CELF2: variants seen among roughly 807,000 people sequenced by gnomAD.
CELF2 encodes CUGBP Elav-like family member 2.
CELF2 carries 8 observed loss-of-function variants against 62.6 expected under a neutral mutation model. The ratio of observed to expected loss-of-function variants is 0.13; its 90% confidence interval spans 0.07 to 0.23. The LOEUF (loss-of-function observed/expected upper bound fraction) is 0.23, where lower values mean the gene tolerates loss of function less well. Among genes scored for constraint, CELF2 ranks in the 10% least tolerant of loss-of-function variants. The pLI is 1.00. For missense variants in CELF2, 333 were observed against 671.0 expected, an observed-to-expected ratio of 0.50 and a Z score of 5.56; for synonymous variants, 258 against 250.0, an observed-to-expected ratio of 1.03 and a Z score of -0.30.
chr10:11,193,752 CTGTT>C (rs1405488281), intron 2 of CELF2, among the ~76,000 whole-genome samples: 11 of 152,186 alleles, frequency 7.2e-5, no homozygotes, highest in Admixed American at 6.5e-4. Flanking sequence ...TCTTTGAAGA[CTGTT>C]TGATCTTATG....
chr10:11,158,132 G>A (rs2064929264), intron 1 of CELF2, among the ~76,000 whole-genome samples: 1 of 152,198 alleles, frequency 6.6e-6, no homozygotes, highest in Non-Finnish European at 1.5e-5. Flanking sequence ...GGTGAAACCA[G>A]TCTCCTGTCA....
intron 1 of CELF2, among the ~76,000 whole-genome samples, chr10:11,115,126 A>G (rs553064946): frequency 2.1e-4 from 32 of 152,372 alleles, no homozygotes; most frequent in African/African-American, 7.5e-4. Context: ...GATGCAGATT[A>G]ATATGCAGTA....
At chr10:11,289,742 C>T (rs2092200837) in intron 9 of CELF2, among the ~76,000 whole-genome samples, 1 of 152,216 alleles carries the variant, frequency 6.6e-6, no homozygotes, top group Non-Finnish European at 1.5e-5. Flanking sequence ...GAAAAATCAA[C>T]TTTGTCACCC....
the CELF2 span, among the ~76,000 whole-genome samples, chr10:10,683,642 T>C: frequency 6.6e-6 from 1 of 152,218 alleles, no homozygotes; most frequent in South Asian, 2.1e-4. Context: ...GGCGCAGTTT[T>C]AGAGTACAGA....
chr10:10,628,754 A>T, the CELF2 span, among the ~76,000 whole-genome samples: 1 of 152,202 alleles, frequency 6.6e-6, no homozygotes, highest in Non-Finnish European at 1.5e-5. Flanking sequence ...TAAATGCAGC[A>T]CACCAACATG....
intron 1 of CELF2, among the ~76,000 whole-genome samples, chr10:10,911,095 G>C (rs1253588648): frequency 1.3e-5 from 2 of 152,214 alleles, no homozygotes; most frequent in African/African-American, 4.8e-5. Context: ...CTCTTCTTGG[G>C]TGGGTTTCTG....
At chr10:10,591,062 A>G in the CELF2 span, among the ~76,000 whole-genome samples, 1 of 152,204 alleles carries the variant, frequency 6.6e-6, no homozygotes, top group African/African-American at 2.4e-5. Context: ...TATAAAACAT[A>G]TACTCCTATT....
At chr10:11,028,718 CTTT>C (rs71378776) in intron 1 of CELF2, among the ~76,000 whole-genome samples, 319 of 125,158 alleles carry the variant, frequency 2.5e-3, no homozygotes, top group East Asian at 4.0e-3. Context: ...CGCACCCAGC[CTTT>C]TTTTTTTTTT....
chr10:10,899,607 C>A (rs922081038), intron 1 of CELF2, among the ~76,000 whole-genome samples: 1 of 152,120 alleles, frequency 6.6e-6, no homozygotes, highest in Non-Finnish European at 1.5e-5. Flanking sequence ...TGTACTAGTC[C>A]GTTCTCGCAC....
the CELF2 span, among the ~76,000 whole-genome samples, chr10:10,781,315 A>G: frequency 6.6e-6 from 1 of 152,252 alleles, no homozygotes; most frequent in Admixed American, 6.5e-5. Context: ...GTACAGTAAC[A>G]TGCTATACAG....
chr10:10,588,976 A>T, the CELF2 span, among the ~76,000 whole-genome samples: 1 of 152,142 alleles, frequency 6.6e-6, no homozygotes, highest in African/African-American at 2.4e-5. Flanking sequence ...ATTCATTTAG[A>T]AGTTTATTTT....
chr10:10,569,690 A>G, the CELF2 span, among the ~76,000 whole-genome samples: 11 of 152,310 alleles, frequency 7.2e-5, no homozygotes, highest in African/African-American at 2.6e-4. Flanking sequence ...TTCAGAAATC[A>G]TTGGGAGGAT....
At chr10:11,083,839 G>A (rs1372178295) in intron 1 of CELF2, among the ~76,000 whole-genome samples, 1 of 152,190 alleles carries the variant, frequency 6.6e-6, no homozygotes, top group Non-Finnish European at 1.5e-5. Context: ...TGATAAGGGA[G>A]AATTAGATCA....
the CELF2 span, among the ~76,000 whole-genome samples, chr10:10,676,059 TG>T: frequency 4.6e-5 from 7 of 152,308 alleles, no homozygotes; most frequent in Admixed American, 3.3e-4. Flanking sequence ...GAGGAACTGC[TG>T]GTGGTAGGCT....
chr10:10,934,204 A>G lies in CELF2; in HGVS notation c.89+14205A>G, dbSNP rs868567196. Among the ~76,000 whole-genome samples, 2 of 152,172 alleles carry G rather than the reference A, an allele frequency of 1.3e-5. No homozygotes were observed. Among genetic ancestry groups the G allele is most frequent in the African/African-American group, 4.8e-5 (2 of 41,434 alleles). ...TTTTCAATACCAGTAGGGGCATTGG[A>G]ACAGGGTTAAAAATAGAATTCAAAG... is the stretch of plus-strand genomic sequence containing the variant. On this transcript the variant is annotated intron_variant, in intron 2 of 13. Coordinates refer to the CELF2 transcript ENST00000636488. The surrounding 1 kb of genome is among the most constrained non-coding windows in gnomAD (Gnocchi z 4.4).
chr10:10,481,244 C>T, the CELF2 span, among the ~76,000 whole-genome samples: 170 of 152,198 alleles, frequency 1.1e-3, no homozygotes, highest in African/African-American at 4.0e-3. Flanking sequence ...TTTCTGTGTG[C>T]CATTTATTCC....
chr10:11,029,187 G>A (rs1261956317), intron 1 of CELF2, among the ~76,000 whole-genome samples: 3 of 152,218 alleles, frequency 2.0e-5, no homozygotes, highest in African/African-American at 7.2e-5. Context: ...ATGTGGTGGT[G>A]TAGGGTTAAG....
At chr10:10,535,563 CA>C in the CELF2 span, among the ~76,000 whole-genome samples, 1 of 151,868 alleles carries the variant, frequency 6.6e-6, no homozygotes, top group African/African-American at 2.4e-5. Context: ...ACTAAAAATA[CA>C]AAAAAATTAG....
At chr10:11,184,085 T>C (rs2074210239) in intron 2 of CELF2, among the ~76,000 whole-genome samples, 1 of 152,256 alleles carries the variant, frequency 6.6e-6, no homozygotes, top group Non-Finnish European at 1.5e-5. Flanking sequence ...TTAATTTTTA[T>C]ATTCAGCATG....
Sources: gnomAD v4.1 joint callset for allele counts (sites outside exome capture counted in the v4.1 genomes callset) on GRCh38, gnomAD v4.1.1 for gene constraint, Gnocchi (gnomAD v3.1) non-coding constraint, MANE v1.5 for transcripts, NCBI Gene and HGNC (gene_info 2026-07-23, HGNC 2026-07-21) for gene names.